Variants in DESI2 observed in about 807,000 individuals in gnomAD.
DESI2 encodes deubiquitinase DESI2.
A neutral mutation model predicts 24.1 loss-of-function variants in DESI2; 10 were observed. The ratio of observed to expected loss-of-function variants is 0.41; its 90% CI spans 0.26 to 0.70. The LOEUF (loss-of-function observed/expected upper bound fraction) is 0.70, where lower values mean the gene tolerates loss of function less well. Ranked by LOEUF, DESI2 falls within the 30% of genes least tolerant of loss-of-function variation. The probability of loss-of-function intolerance (pLI) is 0.29; values close to 1 mark genes in which losing one functional copy is unlikely to be tolerated. For missense variants in DESI2, 122 were observed against 234.9 expected (o/e 0.52, Z 3.14); for synonymous variants, 71 against 87.7 (o/e 0.81, Z 1.06).
rs549498058 is a variant in DESI2 at position 244,657,890 on chromosome 1, A to G, written c.42+4535A>G. On this transcript the variant is annotated intron_variant, in intron 1 of 4. Transcript: ENST00000302550. The stretch of plus-strand genomic sequence containing the variant: ...GCCCCACTCCTTCCCCGAAGAGATT[A>G]TCTAGAATTGGCTCGTGTGCAACTG... 6.6e-5 allele frequency among the ~76,000 whole-genome samples: 10 copies of G among 152,340 alleles called. 1 individual carries two copies. The South Asian group carries it at 1.7e-3, about 25-fold the overall frequency.
At chr1:244,686,720 A>G (rs754983467) in intron 2 of DESI2, 51 bp downstream of exon 2, 3 of 1,176,366 alleles carry the variant, frequency 2.6e-6, no homozygotes, top group Non-Finnish European at 3.8e-6. Flanking sequence ...TGTACTTTAA[A>G]AGAGTTGCAA....
chr1:244,662,430 T>C (rs570671678), intron 1 of DESI2, among the ~76,000 whole-genome samples: 74 of 152,318 alleles, frequency 4.9e-4, no homozygotes, highest in Admixed American at 2.2e-3. Flanking sequence ...ATTTTTTTAA[T>C]TGGGCTTGCA....
chr1:244,664,658 A>G (rs1477351900), intron 1 of DESI2, among the ~76,000 whole-genome samples: 1 of 152,280 alleles, frequency 6.6e-6, no homozygotes, highest in East Asian at 1.9e-4. Flanking sequence ...TGATTGTGCC[A>G]CTGCACTCAG....
chr1:244,653,951 A>G (rs1201112193), intron 1 of DESI2: 2 of 471,246 alleles, frequency 4.2e-6, no homozygotes, highest in South Asian at 3.1e-5. Context: ...AACATTTCTC[A>G]AGAAAATAGC....
chr1:244,698,611 C>T (rs142587700), intron 4 of DESI2, among the ~76,000 whole-genome samples: 29 of 152,310 alleles, frequency 1.9e-4, no homozygotes, highest in African/African-American at 6.7e-4. Flanking sequence ...TTGGACTTGA[C>T]GCTTGAGCTA....
At chr1:244,692,379 G>A (rs112039937) in intron 4 of DESI2, among the ~76,000 whole-genome samples, 5 of 151,362 alleles carry the variant, frequency 3.3e-5, no homozygotes, top group African/African-American at 1.2e-4. Flanking sequence ...TTTTTTTTCT[G>A]GCTCTTATTA....
intron 1 of DESI2, among the ~76,000 whole-genome samples, chr1:244,672,831 C>T (rs1358185050): frequency 8.6e-5 from 13 of 151,896 alleles, no homozygotes; most frequent in Admixed American, 3.9e-4. Context: ...GAGCCAAGAT[C>T]GCCCCATTGC....
Position 244,708,250 on chromosome 1 carries a change from A to G in DESI2, c.*2461A>G, listed in dbSNP as rs967682086. 6.6e-6 allele frequency: 1 copy of G among 152,570 alleles called. No individual in the cohort carries two copies. Among genetic ancestry groups the G allele is most frequent in the African/African-American group, 2.4e-5 (1 of 41,454 alleles). The allele number at this position is 152,570 out of a possible 1,614,324, so 9.5% of individuals were successfully genotyped here. On this transcript the variant is annotated 3_prime_UTR_variant, in exon 5 of 5. Transcript: ENST00000302550. ...TACTTCTCATGGTGGGTTGGACAGTAATACATGTTAGAGGGTCAGAAGCTT... is the reference window on the plus strand; with the variant it reads ...TACTTCTCATGGTGGGTTGGACAGTGATACATGTTAGAGGGTCAGAAGCTT...
intron 1 of DESI2, among the ~76,000 whole-genome samples, chr1:244,665,983 G>C (rs544406326): frequency 6.6e-6 from 1 of 152,298 alleles, no homozygotes; most frequent in Non-Finnish European, 1.5e-5. Context: ...AATAGGGCTA[G>C]AGAAAAACAA....
At chr1:244,675,014 A>G (rs1412314581) in intron 1 of DESI2, among the ~76,000 whole-genome samples, 2 of 152,162 alleles carry the variant, frequency 1.3e-5, no homozygotes, top group Non-Finnish European at 2.9e-5. Flanking sequence ...ACATCCTAAC[A>G]CTTGTTATTA....
intron 1 of DESI2, among the ~76,000 whole-genome samples, chr1:244,682,175 C>T (rs1676638725): frequency 6.6e-6 from 1 of 152,148 alleles, no homozygotes; most frequent in Non-Finnish European, 1.5e-5. Context: ...GGGACCTGAG[C>T]AGGTTGTGGC....
intron 1 of DESI2, among the ~76,000 whole-genome samples, chr1:244,678,356 A>G (rs990772856): frequency 1.3e-5 from 2 of 152,230 alleles, no homozygotes; most frequent in Admixed American, 6.5e-5. Flanking sequence ...CTGAAGAAGT[A>G]TAGTACTCAG....
At chr1:244,679,047 C>CT (rs200947307) in intron 1 of DESI2, among the ~76,000 whole-genome samples, 286 of 151,102 alleles carry the variant, frequency 1.9e-3, no homozygotes, top group African/African-American at 5.2e-3. Context: ...CTCTTTTTTT[C>CT]TTTTTTTTTG....
chr1:244,674,090 G>A (rs941277163), intron 1 of DESI2, among the ~76,000 whole-genome samples: 4 of 146,210 alleles, frequency 2.7e-5, no homozygotes, highest in Non-Finnish European at 5.9e-5. Context: ...CGCCTCCCAG[G>A]TTCAAGTAAT....
At chr1:244,653,403 C>T (rs778577370) in intron 1 of DESI2, 48 bp downstream of exon 1, 26 of 1,530,956 alleles carry the variant, frequency 1.7e-5, no homozygotes, top group Admixed American at 1.4e-4. Context: ...GGCCGGCTTC[C>T]TCTCGCCCGT....
intron 1 of DESI2, among the ~76,000 whole-genome samples, chr1:244,664,068 G>A (rs1675955959): frequency 6.6e-6 from 1 of 151,604 alleles, no homozygotes; most frequent in Non-Finnish European, 1.5e-5. Flanking sequence ...TAACAATGGG[G>A]TGGTTACACT....
chr1:244,679,482 C>T (rs113976491), intron 1 of DESI2, among the ~76,000 whole-genome samples: 2,311 of 152,278 alleles, frequency 0.015, 26 homozygotes, highest in Non-Finnish European at 0.024. Flanking sequence ...CTTTCTCTCA[C>T]ACCCGTCCTA....
intron 1 of DESI2, among the ~76,000 whole-genome samples, chr1:244,685,940 C>T (rs1676801484): frequency 6.6e-6 from 1 of 152,200 alleles, no homozygotes; most frequent in African/African-American, 2.4e-5. Flanking sequence ...TTCTGTCCAT[C>T]CCCATGGGCC....
At chr1:244,661,993 C>G (rs1227379563) in intron 1 of DESI2, among the ~76,000 whole-genome samples, 1 of 152,214 alleles carries the variant, frequency 6.6e-6, no homozygotes, top group South Asian at 2.1e-4. Context: ...ACACTGACTT[C>G]CACAATGGTT....
Sources: allele counts gnomAD v4.1 joint callset (sites outside exome capture counted in the v4.1 genomes callset), GRCh38; gene constraint gnomAD v4.1.1; transcripts MANE v1.5; gene names NCBI Gene and HGNC (gene_info 2026-07-23, HGNC 2026-07-21).